Variants in CHST8 observed in about 807,000 individuals in gnomAD.
CHST8 encodes GALNAC-4-ST1.
In CHST8, 10 loss-of-function variants were observed where a neutral mutation model predicts 15.0. That is an observed-to-expected ratio of 0.67 (90% CI 0.41 to 1.13). The LOEUF (loss-of-function observed/expected upper bound fraction) is 1.13, where lower values mean the gene tolerates loss of function less well. CHST8 is among the 50% of genes most tolerant of loss of function. The probability of loss-of-function intolerance (pLI) is 0.00; values close to 1 mark genes in which losing one functional copy is unlikely to be tolerated. For synonymous variants in CHST8, 259 were observed against 256.6 expected, an observed-to-expected ratio of 1.01 and a Z score of -0.09; for missense variants, 634 against 608.2, an observed-to-expected ratio of 1.04 and a Z score of -0.45.
intron 1 of CHST8, among the ~76,000 whole-genome samples, chr19:33,624,431 G>A (rs548493984): frequency 1.4e-4 from 22 of 152,304 alleles, no homozygotes; most frequent in African/African-American, 5.1e-4. Context: ...TAATCTTGTA[G>A]CCAGAATATC....
rs185566459 is a variant in CHST8 at position 33,638,079 on chromosome 19, A to G, written c.-164+15783A>G. ...ACTGTGTGATGGATCTTCCCTGCAT[A>G]GCTCTCTCCATCCAAATATGCTGTC... On this transcript the variant is annotated intron_variant, in intron 1 of 4. Coordinates refer to ENST00000650847, the MANE Select transcript of CHST8 (RefSeq NM_001127895.2). Among the ~76,000 whole-genome samples, 246 of 152,150 alleles carry G rather than the reference A, an allele frequency of 1.6e-3. 1 individual carries two copies. Among genetic ancestry groups the G allele is most frequent in the African/African-American group, 5.7e-3 (236 of 41,526 alleles).
intron 3 of CHST8, among the ~76,000 whole-genome samples, chr19:33,717,089 A>C (rs1329291146): frequency 6.6e-6 from 1 of 152,196 alleles, no homozygotes; most frequent in Non-Finnish European, 1.5e-5. Context: ...AACCCCAGCC[A>C]GTGTCCAGGC....
chr19:33,635,818 G>A (rs1246434745), intron 1 of CHST8, among the ~76,000 whole-genome samples: 1 of 152,160 alleles, frequency 6.6e-6, no homozygotes, highest in East Asian at 1.9e-4. Flanking sequence ...TCAAAGGCCA[G>A]GGGTGAGAAC....
intron 3 of CHST8, among the ~76,000 whole-genome samples, chr19:33,770,617 G>A (rs1432685663): frequency 6.6e-6 from 1 of 152,218 alleles, no homozygotes; most frequent in African/African-American, 2.4e-5. Context: ...CTTCTTAGGT[G>A]AGCCCAGCCC....
intron 3 of CHST8, among the ~76,000 whole-genome samples, chr19:33,739,754 C>G (rs887959326): frequency 1.3e-5 from 2 of 152,126 alleles, no homozygotes; most frequent in Admixed American, 6.6e-5. Context: ...CTAATAGTCC[C>G]TGAATGCTTA....
chr19:33,749,431 C>T (rs888864291), intron 3 of CHST8, among the ~76,000 whole-genome samples: 1 of 136,376 alleles, frequency 7.3e-6, no homozygotes, highest in African/African-American at 2.7e-5. Flanking sequence ...CCATCCTCCC[C>T]ATCATCCCCC....
chr19:33,700,427 G>A (rs911341758), intron 3 of CHST8, among the ~76,000 whole-genome samples: 3 of 152,170 alleles, frequency 2.0e-5, no homozygotes, highest in East Asian at 3.8e-4. Context: ...CCTGAACAGC[G>A]CCCAAGGCTG....
Position 33,748,598 on chromosome 19 carries a change from T to G in CHST8, c.131-22815T>G, listed in dbSNP as rs183049318. ...CCCAGGGTCTCTTACTGTCTCAACA[T>G]GGTGTTGGGGGTGGCTCCTGCAGGT... On this transcript the variant is annotated intron_variant, in intron 3 of 4. Coordinates refer to ENST00000650847, the MANE Select transcript of CHST8 (RefSeq NM_001127895.2). Among the ~76,000 whole-genome samples the G allele has an allele frequency of 5.9e-5, 9 of 152,280 alleles. No individual in the cohort carries two copies. The East Asian group carries it at 1.7e-3, about 29-fold the overall frequency.
At chr19:33,750,583 C>T (rs763865655) in intron 3 of CHST8, among the ~76,000 whole-genome samples, 1 of 152,174 alleles carries the variant, frequency 6.6e-6, no homozygotes. Context: ...CCAGTGTCCA[C>T]CAGCCGCTCA....
intron 1 of CHST8, among the ~76,000 whole-genome samples, chr19:33,631,118 G>T (rs1354504314): frequency 6.6e-6 from 1 of 152,258 alleles, no homozygotes; most frequent in Non-Finnish European, 1.5e-5. Context: ...CGCTGTCTAT[G>T]CTGGTTGGGC....
In CHST8 at chr19:33,689,412, C is replaced by T. The variant is rs369939507; in HGVS notation, c.130+21C>T. 8.0e-5 allele frequency: 123 copies of T among 1,546,104 alleles called. No individual in the cohort carries two copies. In the African/African-American group the frequency reaches 1.5e-3, roughly 19 times the overall value. On this transcript the variant is annotated intron_variant, in intron 3 of 4. Transcript: ENST00000650847. ...GCCAGGTGAGTCCTTGCGCTGAGTC[C>T]TGCCATCACTGCCCCCAGCTTTCCA...
At chr19:33,668,091 T>G (rs1042854432) in intron 2 of CHST8, among the ~76,000 whole-genome samples, 7 of 152,188 alleles carry the variant, frequency 4.6e-5, no homozygotes, top group African/African-American at 1.7e-4. Context: ...ACAGCACATC[T>G]GACACTCGGT....
chr19:33,684,017 G>A (rs1193213177), intron 2 of CHST8, among the ~76,000 whole-genome samples: 1 of 152,234 alleles, frequency 6.6e-6, no homozygotes, highest in Non-Finnish European at 1.5e-5. Context: ...CAGAGATAGT[G>A]TCCAGGGTGT....
intron 3 of CHST8, among the ~76,000 whole-genome samples, chr19:33,704,465 G>T (rs969608765): frequency 2.0e-5 from 3 of 152,232 alleles, no homozygotes; most frequent in Non-Finnish European, 4.4e-5. Context: ...ACCACAGGAT[G>T]GGGGAAAGGG....
chr19:33,707,514 G>A (rs1973469958), intron 3 of CHST8, among the ~76,000 whole-genome samples: 2 of 152,150 alleles, frequency 1.3e-5, no homozygotes, highest in Non-Finnish European at 2.9e-5. Flanking sequence ...CATACACTGT[G>A]TGGTCTATCA....
chr19:33,704,733 A>G (rs1205018046), intron 3 of CHST8, among the ~76,000 whole-genome samples: 1 of 152,140 alleles, frequency 6.6e-6, no homozygotes, highest in African/African-American at 2.4e-5. Context: ...AACGTGGTGA[A>G]ACCCCATCTC....
intron 1 of CHST8, among the ~76,000 whole-genome samples, chr19:33,664,454 C>G (rs1027560626): frequency 8.1e-6 from 1 of 122,762 alleles, no homozygotes; most frequent in African/African-American, 3.1e-5. Flanking sequence ...CCCCCCTCCC[C>G]ACAACAGGCC....
intron 3 of CHST8, among the ~76,000 whole-genome samples, chr19:33,765,554 TCAGA>T (rs1480660820): frequency 0.031 from 3,200 of 102,250 alleles, 34 homozygotes; most frequent in Admixed American, 0.064. Flanking sequence ...TGTGTGTGTG[TCAGA>T]GAGAGAGAGA....
intron 3 of CHST8, among the ~76,000 whole-genome samples, chr19:33,733,398 T>A (rs1033039477): frequency 2.0e-5 from 3 of 152,076 alleles, no homozygotes; most frequent in African/African-American, 7.2e-5. Context: ...AATGCCCAGC[T>A]AATTTTTTGT....
Sources: allele counts gnomAD v4.1 joint callset (sites outside exome capture counted in the v4.1 genomes callset), GRCh38; gene constraint gnomAD v4.1.1; transcripts MANE v1.5; gene names NCBI Gene and HGNC (gene_info 2026-07-23, HGNC 2026-07-21).